Variants in NOX3 observed in about 807,000 individuals in gnomAD.
NOX3 encodes NADPH oxidase 3.
Under a neutral mutation model 76.7 loss-of-function variants are expected in NOX3, and 74 were observed. That is an observed-to-expected ratio of 0.96 (90% CI 0.80 to 1.17). The LOEUF (loss-of-function observed/expected upper bound fraction) is 1.17. Among genes scored for constraint, NOX3 ranks in the 50% most tolerant of loss-of-function variants. NOX3 has a pLI of 0.00. For synonymous variants in NOX3, 263 were observed against 261.1 expected (o/e 1.01, Z -0.07); for missense variants, 695 against 703.3 (o/e 0.99, Z 0.13).
chr6:155,396,722 CA>C (rs1662766902), intron 13 of NOX3, 86 bp downstream of exon 13: 1 of 1,057,166 alleles, frequency 9.5e-7, no homozygotes, highest in South Asian at 1.9e-5. Flanking sequence ...TCGGACCATA[CA>C]GTGCATAGAG....
At chr6:155,434,833 G>A (rs891007000) in intron 7 of NOX3, among the ~76,000 whole-genome samples, 1 of 152,092 alleles carries the variant, frequency 6.6e-6, no homozygotes, top group African/African-American at 2.4e-5. Flanking sequence ...ACGAGGTGAG[G>A]TACAAAACGT....
chr6:155,423,934 G>T (rs1180007407), intron 9 of NOX3, among the ~76,000 whole-genome samples: 1 of 151,882 alleles, frequency 6.6e-6, no homozygotes, highest in Non-Finnish European at 1.5e-5. Context: ...ATAGAGACGA[G>T]GTTTGACCAT....
chr6:155,408,779 G>C (rs1385362486), intron 11 of NOX3, among the ~76,000 whole-genome samples: 1 of 152,192 alleles, frequency 6.6e-6, no homozygotes, highest in Non-Finnish European at 1.5e-5. Context: ...GCCATAAAAA[G>C]AATGAAATCA....
At chr6:155,452,648 T>A (rs1044755261) in intron 4 of NOX3, among the ~76,000 whole-genome samples, 1 of 151,944 alleles carries the variant, frequency 6.6e-6, no homozygotes, top group Non-Finnish European at 1.5e-5. Flanking sequence ...CTTTTTTTTT[T>A]ATGCATGAGA....
chr6:155,417,264 T>G (rs917692962), intron 10 of NOX3, among the ~76,000 whole-genome samples: 1 of 152,188 alleles, frequency 6.6e-6, no homozygotes, highest in African/African-American at 2.4e-5. Flanking sequence ...TATAGGTATA[T>G]GCATATAAAT....
chr6:155,436,404 G>A lies in NOX3; in HGVS notation c.798+14C>T, dbSNP rs763406674. On this transcript the variant is annotated intron_variant, in intron 7 of 13. Transcript: ENST00000159060. The stretch of plus-strand genomic sequence containing the variant: ...GTGACATTTATTTTTAAAAGCTCCT[G>A]GGTTCATTCTTACCGAGGGTTCCTT... The A allele has an allele frequency of 6.2e-7, 1 of 1,613,706 alleles. No individual in the cohort carries two copies. Among genetic ancestry groups the A allele is most frequent in the African/African-American group, 1.3e-5 (1 of 74,994 alleles).
chr6:155,432,563 C>T (rs1424803921), intron 7 of NOX3, among the ~76,000 whole-genome samples: 1 of 152,042 alleles, frequency 6.6e-6, no homozygotes, highest in Non-Finnish European at 1.5e-5. Flanking sequence ...TTTTTACTTC[C>T]TTTGAGTCAC....
chr6:155,416,783 C>T (rs1044441864), intron 10 of NOX3, among the ~76,000 whole-genome samples: 7 of 127,926 alleles, frequency 5.5e-5, no homozygotes, highest in African/African-American at 9.5e-5. Context: ...CGGAGTCTCG[C>T]GCTATCCTCC....
Position 155,440,077 on chromosome 6 carries a change from C to T in NOX3, c.547G>A (p.Ala183Thr). ...AGVTGLVISL[A>T]LVLIMTSSTE... is the part of the protein sequence containing the mutation. The stretch of plus-strand genomic sequence containing the variant: ...GACGAGGTCATGATCAAGACTAAAG[C>T]CAGAGAGATCACCAGACCGGTGACG... Residue 183 changes from alanine to threonine, a missense_variant, in exon 6 of 14, where the codon GCT (alanine) becomes ACT (threonine). Coordinates refer to ENST00000159060, the MANE Select transcript of NOX3 (RefSeq NM_015718.3). 1 of 1,613,832 alleles carries T rather than the reference C, an allele frequency of 6.2e-7. No homozygotes were observed. Among genetic ancestry groups the T allele is most frequent in the South Asian group, 1.1e-5 (1 of 91,034 alleles).
At chr6:155,450,631 G>A (rs1777121470) in intron 4 of NOX3, among the ~76,000 whole-genome samples, 2 of 152,196 alleles carry the variant, frequency 1.3e-5, no homozygotes. Context: ...CTGCGCTGGG[G>A]GAGGTAGGCC....
intron 7 of NOX3, among the ~76,000 whole-genome samples, chr6:155,435,104 G>T (rs752345004): frequency 6.6e-5 from 10 of 152,110 alleles, no homozygotes; most frequent in Admixed American, 6.5e-5. Context: ...GCCCACACAC[G>T]CTTTGAATCA....
intron 5 of NOX3, among the ~76,000 whole-genome samples, chr6:155,442,967 A>G (rs1041457990): frequency 6.6e-6 from 1 of 152,152 alleles, no homozygotes; most frequent in Non-Finnish European, 1.5e-5. Context: ...CTAATCCTGA[A>G]CTGCTTTTAA....
intron 4 of NOX3, among the ~76,000 whole-genome samples, chr6:155,443,847 T>G (rs949581889): frequency 3.3e-5 from 5 of 151,508 alleles, no homozygotes; most frequent in South Asian, 2.1e-4. Context: ...TACAAAAATC[T>G]CCACATTTAT....
intron 12 of NOX3, among the ~76,000 whole-genome samples, chr6:155,397,332 C>T (rs974041708): frequency 6.6e-6 from 1 of 151,998 alleles, no homozygotes; most frequent in Non-Finnish European, 1.5e-5. Flanking sequence ...ACTATTTGGC[C>T]CCTTATGGGA....
chr6:155,408,179 G>A (rs1295825512), intron 11 of NOX3, among the ~76,000 whole-genome samples: 1 of 152,022 alleles, frequency 6.6e-6, no homozygotes, highest in African/African-American at 2.4e-5. Flanking sequence ...TTGGAGACAG[G>A]GTTTCACTGT....
chr6:155,396,342 T>A (rs1376294885), intron 13 of NOX3, among the ~76,000 whole-genome samples: 1 of 152,202 alleles, frequency 6.6e-6, no homozygotes, highest in Non-Finnish European at 1.5e-5. Flanking sequence ...GGTGGGTGTC[T>A]CTGCCATCAG....
intron 12 of NOX3, 120 bp from the exon 13 acceptor site, chr6:155,397,082 C>T: frequency 5.2e-6 from 5 of 958,230 alleles, no homozygotes; most frequent in Non-Finnish European, 7.2e-6. Context: ...TTTCTCCCTC[C>T]ATGTCGTTTT....
rs367990620 is a variant in NOX3 at position 155,400,957 on chromosome 6, G to T, written c.1581-3995C>A. 6.2e-4 allele frequency among the ~76,000 whole-genome samples: 94 copies of T among 152,262 alleles called. 1 individual carries two copies. Among genetic ancestry groups the T allele is most frequent in the African/African-American group, 2.2e-3 (91 of 41,554 alleles). ...GCTATAAGCCCTTGAGAAGCTTATG[G>T]TCAAATGGGGAAGAAAAATGAAAGC... is the stretch of plus-strand genomic sequence containing the variant. On this transcript the variant is annotated intron_variant, in intron 12 of 13. Transcript: ENST00000159060.
intron 10 of NOX3, among the ~76,000 whole-genome samples, chr6:155,415,807 C>G (rs993563846): frequency 6.6e-6 from 1 of 152,270 alleles, no homozygotes; most frequent in Non-Finnish European, 1.5e-5. Flanking sequence ...CAACGTCTGG[C>G]AGACACAGTA....
Sources: allele counts gnomAD v4.1 joint callset (sites outside exome capture counted in the v4.1 genomes callset), GRCh38; gene constraint gnomAD v4.1.1; transcripts MANE v1.5; gene names NCBI Gene and HGNC (gene_info 2026-07-23, HGNC 2026-07-21).